The following ATP10B variants were observed in gnomAD, a reference collection of about 807,000 sequenced individuals.
ATP10B encodes the protein phospholipid-transporting ATPase VB.
ATP10B carries 122 observed loss-of-function variants against 141.2 expected under a neutral mutation model. The observed-to-expected ratio is 0.86, with a 90% CI of 0.75 to 1.00. The LOEUF (loss-of-function observed/expected upper bound fraction) is 1.00. Among genes scored for constraint, ATP10B ranks in the 50% least tolerant of loss-of-function variants. The pLI, the probability that ATP10B is intolerant of heterozygous loss-of-function variation, is 0.00. For synonymous variants in ATP10B, 685 were observed against 692.0 expected, an observed-to-expected ratio of 0.99 and a Z score of 0.16; for missense variants, 1,876 against 1,825.3, an observed-to-expected ratio of 1.03 and a Z score of -0.51.
chr5:160,589,890 G>GT (rs1756166449), intron 23 of ATP10B, among the ~76,000 whole-genome samples, 194 bp from the exon 24 acceptor site: 1 of 152,202 alleles, frequency 6.6e-6, no homozygotes, highest in African/African-American at 2.4e-5. Context: ...TAGAAATGGT[G>GT]TTTGCAGGAG....
chr5:160,724,274 T>TTA (rs1415672133), intron 2 of ATP10B, among the ~76,000 whole-genome samples: 2 of 133,686 alleles, frequency 1.5e-5, no homozygotes, highest in Non-Finnish European at 3.1e-5. Context: ...TTTTTTTTTT[T>TTA]AGAGACAGAG....
chr5:160,799,183 C>G (rs893678628), intron 1 of ATP10B, among the ~76,000 whole-genome samples: 1 of 152,052 alleles, frequency 6.6e-6, no homozygotes, highest in Admixed American at 6.5e-5. Context: ...AGTCCTCGGA[C>G]TCAGAACACT....
chr5:160,818,155 T>G (rs1426482051), intron 1 of ATP10B, among the ~76,000 whole-genome samples: 1 of 152,160 alleles, frequency 6.6e-6, no homozygotes, highest in African/African-American at 2.4e-5. Context: ...AAATGGGATC[T>G]AATTAAACTA....
intron 1 of ATP10B, among the ~76,000 whole-genome samples, chr5:160,793,711 C>T (rs893534030): frequency 4.6e-5 from 7 of 152,200 alleles, no homozygotes; most frequent in Non-Finnish European, 1.0e-4. Context: ...TAGGCCTTCA[C>T]ATTCACTCAC....
At chr5:160,805,924 G>A (rs899135917) in intron 1 of ATP10B, among the ~76,000 whole-genome samples, 1 of 152,166 alleles carries the variant, frequency 6.6e-6, no homozygotes, top group African/African-American at 2.4e-5. Flanking sequence ...AGCTGGAGAT[G>A]GGGGAAAGCC....
chr5:160,701,251 TTAAACA>T (rs1310808565), intron 3 of ATP10B, among the ~76,000 whole-genome samples: 7 of 152,200 alleles, frequency 4.6e-5, no homozygotes, highest in Non-Finnish European at 7.3e-5. Flanking sequence ...GGAACAAAAC[TTAAACA>T]TAATTTACAA....
At chr5:160,685,177 T>C in intron 6 of ATP10B, 1 of 632,888 alleles carries the variant, frequency 1.6e-6, no homozygotes, top group Non-Finnish European at 2.8e-6. Flanking sequence ...TACTCGCTTC[T>C]TGTCTTCTTT....
At chr5:160,812,650 A>G (rs1313474383) in intron 1 of ATP10B, among the ~76,000 whole-genome samples, 1 of 152,210 alleles carries the variant, frequency 6.6e-6, no homozygotes, top group Non-Finnish European at 1.5e-5. Context: ...AGAATTGATC[A>G]GGCAAAAGAA....
At chr5:160,902,086 A>G in the ATP10B span, among the ~76,000 whole-genome samples, 9 of 152,338 alleles carry the variant, frequency 5.9e-5, no homozygotes, top group African/African-American at 2.2e-4. Flanking sequence ...GTATGAGGTC[A>G]TATACAAAAA....
At chr5:160,646,972 TGCCAACA>T (rs779465414) in intron 8 of ATP10B, among the ~76,000 whole-genome samples, 129 of 152,252 alleles carry the variant, frequency 8.5e-4, no homozygotes, top group Non-Finnish European at 1.6e-3. Context: ...ACCCAGTGGA[TGCCAACA>T]GCACCCCTCC....
intron 24 of ATP10B, among the ~76,000 whole-genome samples, chr5:160,574,734 C>G (rs904590023): frequency 6.6e-6 from 1 of 151,302 alleles, no homozygotes; most frequent in Non-Finnish European, 1.5e-5. Flanking sequence ...CTTTTTTTGC[C>G]CTTTCACCAT....
chr5:160,725,391 G>A (rs1766267747), intron 2 of ATP10B, among the ~76,000 whole-genome samples: 1 of 152,032 alleles, frequency 6.6e-6, no homozygotes. Context: ...AATAAGGGCA[G>A]TGCATGAATG....
chr5:160,693,045 C>T (rs1049650525), intron 3 of ATP10B, among the ~76,000 whole-genome samples: 2 of 152,058 alleles, frequency 1.3e-5, no homozygotes, highest in African/African-American at 4.8e-5. Flanking sequence ...CACTAAAAAA[C>T]CTCAAATTGG....
rs564616065 is a variant in ATP10B at position 160,701,570 on chromosome 5, A to G, written c.-204-12627T>C. 2.0e-5 allele frequency among the ~76,000 whole-genome samples: 3 copies of G among 152,130 alleles called. No homozygotes were observed. In the South Asian group the frequency reaches 6.2e-4, roughly 32 times the overall value. Reference sequence around the variant, plus strand: ...GATTCTACAAGGCAATCACCCTTCTACCCTAGAGCTGCCTGAGAGCAGTCA... The same window carrying G: ...GATTCTACAAGGCAATCACCCTTCTGCCCTAGAGCTGCCTGAGAGCAGTCA... On this transcript the variant is annotated intron_variant, in intron 3 of 25. Coordinates refer to ENST00000327245, the MANE Select transcript of ATP10B (RefSeq NM_025153.3).
At position 160,755,677 on chromosome 5, in the gene ATP10B, T is replaced by C. The variant is rs57257980; in HGVS notation, c.-331+29882A>G. Among the ~76,000 whole-genome samples the C allele has an allele frequency of 8.7e-3, 1,280 of 147,908 alleles. 18 individuals are homozygous for C. Among genetic ancestry groups the C allele is most frequent in the African/African-American group, 0.03 (1,208 of 40,720 alleles). ...AAAAATACAAAAAATTAGCCGGGCA[T>C]AGTGGCGGGCGCCTGTAGTCCCAGC... On this transcript the variant is annotated intron_variant, in intron 2 of 25. Transcript: ENST00000327245.
At chr5:160,881,507 TTTA>T in the ATP10B span, among the ~76,000 whole-genome samples, 1 of 152,208 alleles carries the variant, frequency 6.6e-6, no homozygotes, top group African/African-American at 2.4e-5. Context: ...TTATAGTAGC[TTTA>T]TTAATAATTG....
intron 8 of ATP10B, among the ~76,000 whole-genome samples, chr5:160,645,063 G>A (rs1295586278): frequency 6.7e-6 from 1 of 149,110 alleles, no homozygotes; most frequent in Non-Finnish European, 1.5e-5. Flanking sequence ...GTTGCCGTGA[G>A]CCAAGATTGC....
At chr5:160,617,029 G>C (rs772330642) in intron 16 of ATP10B, among the ~76,000 whole-genome samples, 68 of 152,116 alleles carry the variant, frequency 4.5e-4, no homozygotes, top group Non-Finnish European at 8.8e-4. Context: ...AGTGAGATTG[G>C]GACTAGTACC....
chr5:160,859,960 G>C, the ATP10B span, among the ~76,000 whole-genome samples: 496 of 152,008 alleles, frequency 3.3e-3, 5 homozygotes, highest in African/African-American at 0.011. Flanking sequence ...CAGAAATGTA[G>C]AAATAGCTTA....
Sources: gnomAD v4.1 joint callset for allele counts (sites outside exome capture counted in the v4.1 genomes callset) on GRCh38, gnomAD v4.1.1 for gene constraint, MANE v1.5 for transcripts, NCBI Gene and HGNC (gene_info 2026-07-23, HGNC 2026-07-21) for gene names.